Variants in ZNF112 observed in about 807,000 individuals in gnomAD.
ZNF112 encodes the protein zinc finger protein 112.
In ZNF112, 37 loss-of-function variants were observed where a neutral mutation model predicts 77.7. The ratio of observed to expected loss-of-function variants is 0.48; its 90% CI spans 0.37 to 0.63. The LOEUF (loss-of-function observed/expected upper bound fraction) is 0.63. Among genes scored for constraint, ZNF112 ranks in the 20% least tolerant of loss-of-function variants. ZNF112 has a pLI of 0.00. For synonymous variants in ZNF112, 333 were observed against 363.6 expected (o/e 0.92, Z 0.96); for missense variants, 950 against 1,077.4 (o/e 0.88, Z 1.66).
At position 44,336,644 on chromosome 19, in the gene ZNF112, T is replaced by A. The variant is rs1371815983; in HGVS notation, c.199A>T (p.Thr67Ser). The change falls in exon 3 of 4, where the codon ACC becomes TCC. Residue 67 changes from threonine to serine, a missense_variant. This residue lies in a region of ZNF112 where 560 missense variants were observed against 557.3 expected (regional missense o/e 1.00). Coordinates refer to ENST00000354340, the MANE Select transcript of ZNF112 (RefSeq NM_013380.4). ...EEKLLMVETETPRDGCSGRKN... is the reference protein window; with the variant it reads ...EEKLLMVETESPRDGCSGRKN... Reference sequence around the variant, plus strand: ...TCACCTGAACATCCATCTCTTGGGGTTTCTGTCTCCACCATCAAAAGCTTT... The same window carrying A: ...TCACCTGAACATCCATCTCTTGGGGATTCTGTCTCCACCATCAAAAGCTTT... The A allele has an allele frequency of 6.2e-7, 1 of 1,613,988 alleles. No homozygotes were observed. The highest frequency in any genetic ancestry group is 8.5e-7 in the Non-Finnish European group (1 of 1,179,920).
chr19:44,356,855 G>T (rs544378776), upstream of ZNF112, among the ~76,000 whole-genome samples: 8 of 152,324 alleles, frequency 5.3e-5, no homozygotes, highest in African/African-American at 1.7e-4. Context: ...AGTACCGGGT[G>T]CCAAGCTGAG....
intron 2 of ZNF112, among the ~76,000 whole-genome samples, chr19:44,339,469 C>T (rs1970448724): frequency 6.6e-6 from 1 of 152,188 alleles, no homozygotes; most frequent in African/African-American, 2.4e-5. Flanking sequence ...CCAGTAAAAA[C>T]TCTGGACACC....
intron 1 of ZNF112, among the ~76,000 whole-genome samples, chr19:44,353,787 A>G (rs1396478547): frequency 6.6e-6 from 1 of 152,146 alleles, no homozygotes; most frequent in Admixed American, 6.5e-5. Flanking sequence ...ATCATTAGTG[A>G]GAATGCAAAA....
At chr19:44,344,408 C>T (rs529142669) in intron 1 of ZNF112, among the ~76,000 whole-genome samples, 1 of 152,282 alleles carries the variant, frequency 6.6e-6, no homozygotes, top group East Asian at 1.9e-4. Context: ...TGAAAATGAA[C>T]TGTGGGTAAG....
exon 1 of ZNF112, chr19:44,367,193 T>A: frequency 2.2e-6 from 1 of 454,492 alleles, no homozygotes; most frequent in South Asian, 1.6e-5. Flanking sequence ...CTCAACTTCC[T>A]GAAAGGAATG....
chr19:44,330,032 GA>G (rs1970241606), intron 3 of ZNF112, 96 bp from the exon 4 acceptor site: 3 of 901,136 alleles, frequency 3.3e-6, no homozygotes, highest in Admixed American at 2.9e-5. Flanking sequence ...AAACTTGAAT[GA>G]ACCAGAGGAA....
chr19:44,358,331 A>G (rs1368737232), upstream of ZNF112, among the ~76,000 whole-genome samples: 4 of 152,202 alleles, frequency 2.6e-5, no homozygotes, highest in Admixed American at 6.5e-5. Context: ...AAAGGGACAG[A>G]ATAATACTTT....
At chr19:44,334,205 C>G (rs1970323102) in intron 3 of ZNF112, among the ~76,000 whole-genome samples, 1 of 152,216 alleles carries the variant, frequency 6.6e-6, no homozygotes, top group African/African-American at 2.4e-5. Flanking sequence ...CTCCAAAGAT[C>G]TGTGGAACTT....
intron 1 of ZNF112, among the ~76,000 whole-genome samples, chr19:44,344,556 C>T (rs1434575): frequency 0.43 from 65,960 of 151,900 alleles, 15,660 homozygotes; most frequent in South Asian, 0.58. Flanking sequence ...AACTTGGCTG[C>T]GTAATCAGCA....
At chr19:44,359,130 A>C (rs1350860368), upstream of ZNF112, among the ~76,000 whole-genome samples, 1 of 152,038 alleles carries the variant, frequency 6.6e-6, no homozygotes, top group Non-Finnish European at 1.5e-5. Context: ...GCTCAGAGAC[A>C]GCAGAACCAG....
At chr19:44,340,035 C>A (rs1970460749) in intron 2 of ZNF112, among the ~76,000 whole-genome samples, 2 of 151,958 alleles carry the variant, frequency 1.3e-5, no homozygotes, top group African/African-American at 4.8e-5. Context: ...CTTGGCGAAT[C>A]TATATGGGTG....
chr19:44,337,840 T>TACACACAC (rs71171235), intron 2 of ZNF112, among the ~76,000 whole-genome samples: 1 of 47,422 alleles, frequency 2.1e-5, no homozygotes, highest in Non-Finnish European at 6.0e-5. Flanking sequence ...TACATACACA[T>TACACACAC]ACACACACAC....
Position 44,327,582 on chromosome 19 carries a change from C to T in ZNF112, c.2575G>A (p.Ala859Thr). Residue 859 changes from alanine (A) to threonine (T), a missense_variant, in exon 4 of 4, where the codon GCA (alanine) becomes ACA (threonine). By Grantham distance (58) the Ala-to-Thr change is moderately conservative. Around this residue, in one of 3 missense-constraint regions of ZNF112, gnomAD observed 373 missense variants for 482.8 expected, o/e 0.77. Coordinates refer to ENST00000354340, the MANE Select transcript of ZNF112 (RefSeq NM_013380.4). ...HTGEKPYKCDACGKGFRWSSG... is the reference protein window; with the variant it reads ...HTGEKPYKCDTCGKGFRWSSG... ...CTCCAACGGAAACCCTTACCACATG[C>T]ATCACATTTGTATGGTTTCTCTCCT... 3 of 1,614,078 alleles carry T rather than the reference C, an allele frequency of 1.9e-6. No individual in the cohort carries two copies. Among genetic ancestry groups the T allele is most frequent in the Non-Finnish European group, 8.5e-7 (1 of 1,179,980 alleles).
chr19:44,328,400 C>T lies in ZNF112; in HGVS notation c.1757G>A (p.Arg586Gln), dbSNP rs776374477. ...KCEECGKGFSRNSYLQGHQRV... is the reference protein window; with the variant it reads ...KCEECGKGFSQNSYLQGHQRV... ...CTGATGGCCTTGAAGGTATGAATTT[C>T]GACTGAACCCCTTCCCACATTCCTC... is the stretch of plus-strand genomic sequence containing the variant. Residue 586 changes from arginine (R) to glutamine (Q), a missense_variant, in exon 4 of 4, where the codon CGA becomes CAA. Transcript: ENST00000354340. The T allele has an allele frequency of 6.8e-6, 11 of 1,613,372 alleles. No individual in the cohort carries two copies. Among genetic ancestry groups the T allele is most frequent in the African/African-American group, 2.7e-5 (2 of 74,692 alleles).
At chr19:44,342,700 C>A (rs1970512399) in intron 1 of ZNF112, among the ~76,000 whole-genome samples, 1 of 151,750 alleles carries the variant, frequency 6.6e-6, no homozygotes, top group South Asian at 2.1e-4. Flanking sequence ...CCTGTAATCC[C>A]AGCTACTCGG....
At chr19:44,366,147 T>G (rs1270662759) in intron 1 of ZNF112, among the ~76,000 whole-genome samples, 1 of 152,132 alleles carries the variant, frequency 6.6e-6, no homozygotes, top group Admixed American at 6.6e-5. Context: ...GCCAGGAGTT[T>G]GAGACCATCC....
At chr19:44,357,005 C>CT (rs1337218267), upstream of ZNF112, among the ~76,000 whole-genome samples, 3 of 152,190 alleles carry the variant, frequency 2.0e-5, no homozygotes, top group Non-Finnish European at 2.9e-5. Context: ...TGAAAGGCGC[C>CT]TTTCCTGGCG....
chr19:44,344,876 C>CA (rs1444653619), intron 1 of ZNF112, among the ~76,000 whole-genome samples: 1 of 152,096 alleles, frequency 6.6e-6, no homozygotes, highest in Non-Finnish European at 1.5e-5. Context: ...GTAAGAAGAC[C>CA]AACTCACATG....
chr19:44,334,703 A>G (rs567051087), intron 3 of ZNF112, among the ~76,000 whole-genome samples: 4 of 152,364 alleles, frequency 2.6e-5, no homozygotes, highest in Admixed American at 6.5e-5. Flanking sequence ...AGCTCAGGCC[A>G]TTGCTTCAGA....
Sources: gnomAD v4.1 joint callset for allele counts (sites outside exome capture counted in the v4.1 genomes callset) on GRCh38, gnomAD v4.1.1 for gene constraint, gnomAD v4.1.1 regional missense constraint, MANE v1.5 for transcripts, NCBI Gene and HGNC (gene_info 2026-07-23, HGNC 2026-07-21) for gene names.